The following SCAPER variants were observed in gnomAD, a reference collection of about 807,000 sequenced individuals.
The protein encoded by SCAPER is S phase cyclin A-associated protein in the endoplasmic reticulum.
Under a neutral mutation model 182.2 loss-of-function variants are expected in SCAPER, and 98 were observed. The observed-to-expected ratio is 0.54, with a 90% CI of 0.46 to 0.64. The LOEUF (loss-of-function observed/expected upper bound fraction) is 0.64. SCAPER is among the 30% of genes least tolerant of loss of function. The pLI, the probability that SCAPER is intolerant of heterozygous loss-of-function variation, is 0.00. For missense variants in SCAPER, 1,432 were observed against 1,690.0 expected (o/e 0.85, Z 2.68); for synonymous variants, 605 against 564.6 (o/e 1.07, Z -1.01).
At chr15:76,730,037 T>C (rs1165379461) in intron 16 of SCAPER, among the ~76,000 whole-genome samples, 5 of 152,136 alleles carry the variant, frequency 3.3e-5, no homozygotes, top group Admixed American at 6.6e-5. Context: ...GAGCCTCAGT[T>C]GATTGTGAGA....
chr15:76,537,981 G>T (rs1358528250), intron 23 of SCAPER, among the ~76,000 whole-genome samples: 3 of 151,814 alleles, frequency 2.0e-5, no homozygotes, highest in African/African-American at 4.8e-5. Context: ...ATCATCACTG[G>T]CCATCAGAGA....
rs186170666 is a variant in SCAPER, at chr15:76,508,552, C to T, written c.2839-3578G>A. Among the ~76,000 whole-genome samples the T allele has an allele frequency of 1.0e-3, 156 of 152,292 alleles. 3 individuals carry two copies. Among genetic ancestry groups the T allele is most frequent in the African/African-American group, 3.7e-3 (152 of 41,558 alleles). On this transcript the variant is annotated intron_variant, in intron 23 of 31. Transcript: ENST00000563290. ...TAATTTCAGTTATTCCACATTCTCA[C>T]TCAAAATTGGTTTTACCAGTCTTTT...
At chr15:76,586,067 T>C (rs1020637146) in intron 22 of SCAPER, among the ~76,000 whole-genome samples, 2 of 152,216 alleles carry the variant, frequency 1.3e-5, no homozygotes, top group African/African-American at 4.8e-5. Context: ...TATTTTCTTC[T>C]TAAAACTGGA....
intron 25 of SCAPER, among the ~76,000 whole-genome samples, chr15:76,458,281 G>A (rs188487670): frequency 1.8e-4 from 27 of 151,580 alleles, no homozygotes; most frequent in African/African-American, 4.8e-4. Flanking sequence ...GTGTGTGTGC[G>A]TGTATATAAA....
chr15:76,512,873 AAAAAAAAGC>A (rs2042152689), intron 23 of SCAPER, among the ~76,000 whole-genome samples: 2 of 152,054 alleles, frequency 1.3e-5, no homozygotes, highest in African/African-American at 4.8e-5. Context: ...CAGAAAAAAA[AAAAAAAAGC>A]AAAAAAGCAA....
chr15:76,441,463 C>G (rs903915878), intron 25 of SCAPER, among the ~76,000 whole-genome samples: 1 of 152,136 alleles, frequency 6.6e-6, no homozygotes, highest in Non-Finnish European at 1.5e-5. Context: ...TCAACACATT[C>G]CCTGGTATCT....
At chr15:76,725,923 G>T (rs2060559207) in intron 17 of SCAPER, among the ~76,000 whole-genome samples, 1 of 149,614 alleles carries the variant, frequency 6.7e-6, no homozygotes, top group African/African-American at 2.4e-5. Flanking sequence ...CACAACATTG[G>T]ATTTGGCTAT....
chr15:76,843,941 C>G (rs1160068435), intron 4 of SCAPER, among the ~76,000 whole-genome samples: 2 of 152,162 alleles, frequency 1.3e-5, no homozygotes, highest in Non-Finnish European at 2.9e-5. Flanking sequence ...ATGTGCCAAG[C>G]ATTGCACCAA....
intron 27 of SCAPER, among the ~76,000 whole-genome samples, chr15:76,388,526 C>T (rs572822090): frequency 4.6e-5 from 7 of 152,254 alleles, no homozygotes; most frequent in African/African-American, 1.7e-4. Flanking sequence ...ATGACTTCTT[C>T]TTCATCCTGG....
chr15:76,488,018 C>A (rs748470629), intron 24 of SCAPER, among the ~76,000 whole-genome samples: 2 of 152,086 alleles, frequency 1.3e-5, no homozygotes, highest in African/African-American at 4.8e-5. Context: ...GATCTAGGAA[C>A]CTCTCCCCAT....
intron 23 of SCAPER, among the ~76,000 whole-genome samples, chr15:76,535,486 C>T (rs1421003364): frequency 7.8e-6 from 1 of 128,114 alleles, no homozygotes; most frequent in East Asian, 2.5e-4. Context: ...CTCGCCATTG[C>T]ACTCCAGCCT....
chr15:76,798,002 C>G (rs2065455694), intron 7 of SCAPER, among the ~76,000 whole-genome samples: 1 of 150,626 alleles, frequency 6.6e-6, no homozygotes. Context: ...AGAGCAGCAA[C>G]AGGAAGCCCG....
chr15:76,883,007 G>A (rs1002261918), intron 2 of SCAPER, among the ~76,000 whole-genome samples: 2 of 152,144 alleles, frequency 1.3e-5, no homozygotes, highest in Non-Finnish European at 2.9e-5. Flanking sequence ...TGCCCTGAGC[G>A]CCACACTTCA....
At chr15:76,574,312 G>T in intron 22 of SCAPER, 28 bp from the exon 23 acceptor site, 2 of 1,603,994 alleles carry the variant, frequency 1.2e-6, no homozygotes, top group South Asian at 2.2e-5. Context: ...AGGAAAGAAT[G>T]ACATTAATGA....
At chr15:76,661,503 C>A (rs1362827693) in intron 21 of SCAPER, among the ~76,000 whole-genome samples, 4 of 151,950 alleles carry the variant, frequency 2.6e-5, no homozygotes, top group Non-Finnish European at 5.9e-5. Context: ...ACAACCTCAT[C>A]AAAAAGTGGG....
At chr15:76,425,026 C>G (rs2046325508) in intron 26 of SCAPER, among the ~76,000 whole-genome samples, 1 of 152,274 alleles carries the variant, frequency 6.6e-6, no homozygotes, top group South Asian at 2.1e-4. Context: ...GGTAACCTGA[C>G]CTTTCTCTCT....
intron 2 of SCAPER, among the ~76,000 whole-genome samples, chr15:76,874,457 C>T (rs143662970): frequency 1.4e-3 from 206 of 151,270 alleles, no homozygotes; most frequent in African/African-American, 4.6e-3. Context: ...CAATATAATA[C>T]AAGACCAACA....
chr15:76,875,760 G>A (rs1314405770), intron 2 of SCAPER, among the ~76,000 whole-genome samples: 1 of 152,202 alleles, frequency 6.6e-6, no homozygotes, highest in South Asian at 2.1e-4. Context: ...TCGTGGTCTC[G>A]CTGGCTCAGG....
intron 8 of SCAPER, among the ~76,000 whole-genome samples, chr15:76,782,766 T>C (rs1027111162): frequency 3.9e-5 from 6 of 152,130 alleles, no homozygotes; most frequent in Non-Finnish European, 7.4e-5. Flanking sequence ...CAGAACAACC[T>C]GCTCCTGAAT....
Sources: allele counts gnomAD v4.1 joint callset (sites outside exome capture counted in the v4.1 genomes callset), GRCh38; gene constraint gnomAD v4.1.1; transcripts MANE v1.5; gene names NCBI Gene and HGNC (gene_info 2026-07-23, HGNC 2026-07-21).